The following PLAA variants were observed in gnomAD, a reference collection of about 807,000 sequenced individuals.
PLAA encodes phospholipase A2 activating protein.
A neutral mutation model predicts 84.1 loss-of-function variants in PLAA; 48 were observed. The ratio of observed to expected loss-of-function variants is 0.57; its 90% CI spans 0.45 to 0.73. PLAA has a LOEUF of 0.73. PLAA is among the 30% of genes least tolerant of loss of function. The pLI is 0.00. For synonymous variants in PLAA, 392 were observed against 336.6 expected, an observed-to-expected ratio of 1.16 and a Z score of -1.80; for missense variants, 903 against 954.7, an observed-to-expected ratio of 0.95 and a Z score of 0.71.
chr9:26,920,110 C>T (rs975563131), intron 8 of PLAA, 117 bp downstream of exon 8: 50 of 733,510 alleles, frequency 6.8e-5, no homozygotes, highest in Non-Finnish European at 9.5e-5. Context: ...TAGTTTCCCA[C>T]AGTAATGGAT....
chr9:26,924,222 C>G (rs902304345), intron 6 of PLAA, among the ~76,000 whole-genome samples: 3 of 152,132 alleles, frequency 2.0e-5, no homozygotes, highest in African/African-American at 7.2e-5. Flanking sequence ...CCTCAAATTC[C>G]CGGGCCCAAG....
intron 6 of PLAA, among the ~76,000 whole-genome samples, chr9:26,924,151 A>G (rs1039133317): frequency 2.0e-5 from 3 of 152,048 alleles, no homozygotes; most frequent in Non-Finnish European, 2.9e-5. Flanking sequence ...TTTCTTTGAG[A>G]CAGGGTCCAA....
chr9:26,939,656 C>T (rs1412023715), intron 1 of PLAA, among the ~76,000 whole-genome samples: 2 of 151,914 alleles, frequency 1.3e-5, no homozygotes, highest in African/African-American at 4.8e-5. Context: ...GTTTATGAGA[C>T]TCACTTTAGA....
At chr9:26,926,739 A>AT (rs979554382) in intron 4 of PLAA, among the ~76,000 whole-genome samples, 179 bp from the exon 5 acceptor site, 28 of 152,022 alleles carry the variant, frequency 1.8e-4, no homozygotes, top group Non-Finnish European at 3.5e-4. Flanking sequence ...GTTTAGCAAT[A>AT]TTTTTTTATC....
At chr9:26,938,475 C>T (rs1023264273) in intron 1 of PLAA, among the ~76,000 whole-genome samples, 5 of 151,172 alleles carry the variant, frequency 3.3e-5, no homozygotes, top group African/African-American at 1.2e-4. Context: ...TCCCTTGAGC[C>T]TGGGAGTTTG....
intron 1 of PLAA, among the ~76,000 whole-genome samples, chr9:26,940,390 C>T (rs1825494920): frequency 6.6e-6 from 1 of 152,114 alleles, no homozygotes; most frequent in African/African-American, 2.4e-5. Context: ...ACGAAATAAG[C>T]CAGTTATAAA....
At chr9:26,928,957 G>A (rs567527976) in intron 2 of PLAA, among the ~76,000 whole-genome samples, 1 of 152,266 alleles carries the variant, frequency 6.6e-6, no homozygotes, top group African/African-American at 2.4e-5. Flanking sequence ...CTGCACTTTG[G>A]GAGGCCAAGG....
chr9:26,905,447 G>A lies in PLAA; in HGVS notation c.*64C>T. The A allele has an allele frequency of 1.7e-6, 2 of 1,157,968 alleles. No individual in the cohort carries two copies. 71.7% of individuals were successfully genotyped at this position (1,157,968 alleles called of 1,614,324 possible). A position where few individuals can be genotyped will look rare whatever the true frequency, so the allele number is the denominator to read the frequency against. On this transcript the variant is annotated 3_prime_UTR_variant, in exon 14 of 14. Coordinates refer to ENST00000397292, the MANE Select transcript of PLAA (RefSeq NM_001031689.3). ...CTCTTTTTTTAATTATCTGTTATCAGTCATGTCAAATGTGAGGAAAAAAAC... is the reference window on the plus strand; with the variant it reads ...CTCTTTTTTTAATTATCTGTTATCAATCATGTCAAATGTGAGGAAAAAAAC...
At chr9:26,921,503 T>C (rs1266100135) in intron 7 of PLAA, among the ~76,000 whole-genome samples, 1 of 152,254 alleles carries the variant, frequency 6.6e-6, no homozygotes, top group East Asian at 1.9e-4. Context: ...TGTTTCAATT[T>C]GTTATTTTGG....
At chr9:26,910,252 C>T in intron 12 of PLAA, 86 bp downstream of exon 12, 1 of 905,708 alleles carries the variant, frequency 1.1e-6, no homozygotes, top group Non-Finnish European at 1.8e-6. Flanking sequence ...GTACCCAATT[C>T]CTGACACATG....
chr9:26,907,450 AC>A (rs1252845112), intron 13 of PLAA, among the ~76,000 whole-genome samples: 1 of 151,788 alleles, frequency 6.6e-6, no homozygotes, highest in African/African-American at 2.4e-5. Flanking sequence ...AACGGCGTGA[AC>A]CCGGGAGGCG....
At position 26,935,128 on chromosome 9, in the gene PLAA, T is replaced by C; in HGVS notation, c.228A>G (p.Ser76=). The change falls in exon 2 of 14, where the codon TCA becomes TCG. Residue 76 remains serine, a synonymous_variant. Coordinates refer to ENST00000397292, the MANE Select transcript of PLAA (RefSeq NM_001031689.3). The part of the protein sequence containing the change: ...NFVSCVCIIP[S]SDIYPHGLIA... ...TTAGGCCATGAGGGTAGATGTCACT[T>C]GAGGGTATGATGCATACACAAGATA... is the stretch of plus-strand genomic sequence containing the variant. 1 of 1,610,426 alleles carries C rather than the reference T, an allele frequency of 6.2e-7. No homozygotes were observed. Among genetic ancestry groups the C allele is most frequent in the East Asian group, 2.2e-5 (1 of 44,774 alleles).
At chr9:26,941,090 A>G (rs1587193610) in intron 1 of PLAA, among the ~76,000 whole-genome samples, 1 of 147,892 alleles carries the variant, frequency 6.8e-6, no homozygotes. Flanking sequence ...CCCTAGCACA[A>G]TGTTTTAAAT....
chr9:26,925,649 T>C (rs1824923292), intron 6 of PLAA, among the ~76,000 whole-genome samples, 176 bp downstream of exon 6: 2 of 151,408 alleles, frequency 1.3e-5, no homozygotes, highest in Admixed American at 1.3e-4. Context: ...TACTGGTATA[T>C]CATGCATCCC....
chr9:26,939,084 G>C (rs1231293119), intron 1 of PLAA, among the ~76,000 whole-genome samples: 1 of 152,106 alleles, frequency 6.6e-6, no homozygotes, highest in Non-Finnish European at 1.5e-5. Flanking sequence ...AAATGGGGAA[G>C]GAATTTAAAC....
intron 6 of PLAA, among the ~76,000 whole-genome samples, chr9:26,924,563 C>A (rs1824880989): frequency 6.6e-6 from 1 of 152,068 alleles, no homozygotes; most frequent in Non-Finnish European, 1.5e-5. Flanking sequence ...GTGATTGATG[C>A]CAAAAGTCAC....
intron 11 of PLAA, among the ~76,000 whole-genome samples, chr9:26,911,798 C>T (rs1419069083): frequency 2.0e-5 from 3 of 152,012 alleles, no homozygotes; most frequent in African/African-American, 7.3e-5. Context: ...TTCAAATGTA[C>T]AGTTAAGATA....
rs372634697 is a variant in PLAA, at chr9:26,925,999, A to C, written c.734-39T>G. 27 of 1,539,912 alleles carry C rather than the reference A, an allele frequency of 1.8e-5. No homozygotes were observed. The African/African-American group carries it at 3.0e-4, about 17-fold the overall frequency. ...ATATAGGAAGTATTAGTTTGAATAA[A>C]ATTAAGTACATTTATACATACCATC... is the stretch of plus-strand genomic sequence containing the variant. On this transcript the variant is annotated intron_variant, in intron 5 of 13. Coordinates refer to ENST00000397292, the MANE Select transcript of PLAA (RefSeq NM_001031689.3).
intron 7 of PLAA, among the ~76,000 whole-genome samples, chr9:26,922,549 A>T (rs1824804069): frequency 6.6e-6 from 1 of 152,224 alleles, no homozygotes; most frequent in Non-Finnish European, 1.5e-5. Flanking sequence ...AAGCACTGGT[A>T]TAATAATGCA....
Sources: allele counts gnomAD v4.1 joint callset (sites outside exome capture counted in the v4.1 genomes callset), GRCh38; gene constraint gnomAD v4.1.1; transcripts MANE v1.5; gene names NCBI Gene and HGNC (gene_info 2026-07-23, HGNC 2026-07-21).